MCTP2: variants seen among roughly 807,000 people sequenced by gnomAD.
The protein encoded by MCTP2 is multiple C2 and transmembrane domain-containing protein 2.
In MCTP2, 132 loss-of-function variants were observed where a neutral mutation model predicts 111.6. That is an observed-to-expected ratio of 1.18 (90% CI 1.03 to 1.37). The LOEUF (loss-of-function observed/expected upper bound fraction) is 1.37. Ranked by LOEUF, MCTP2 falls within the 40% of genes most tolerant of loss-of-function variation. The probability of loss-of-function intolerance (pLI) is 0.00; values close to 1 mark genes in which losing one functional copy is unlikely to be tolerated. For missense variants in MCTP2, 1,183 were observed against 1,067.9 expected (o/e 1.11, Z -1.50); for synonymous variants, 395 against 387.7 (o/e 1.02, Z -0.22).
At chr15:94,392,213 A>G (rs1325552280) in intron 14 of MCTP2, among the ~76,000 whole-genome samples, 1 of 152,082 alleles carries the variant, frequency 6.6e-6, no homozygotes. Flanking sequence ...CCACTAAAAA[A>G]TACAAAAAAT....
At chr15:94,308,369 G>A (rs189047181) in intron 2 of MCTP2, among the ~76,000 whole-genome samples, 4 of 152,268 alleles carry the variant, frequency 2.6e-5, no homozygotes, top group Admixed American at 2.6e-4. Context: ...TTCTCCTGGC[G>A]CAGGTGTGGT....
At chr15:94,440,354 A>G (rs2083710794) in intron 18 of MCTP2, 56 bp downstream of exon 18, 1 of 1,602,256 alleles carries the variant, frequency 6.2e-7, no homozygotes, top group Admixed American at 1.7e-5. Flanking sequence ...GTTAACAACA[A>G]ACTACCACCA....
rs1023207300 is a variant in MCTP2 at position 94,480,233 on chromosome 15, T to A, written c.*1199T>A. The A allele has an allele frequency of 3.3e-5, 5 of 152,230 alleles. No homozygotes were observed. Among genetic ancestry groups the A allele is most frequent in the Non-Finnish European group, 7.3e-5 (5 of 68,030 alleles). 9.4% of individuals were successfully genotyped at this position (152,230 alleles called of 1,614,324 possible). A position where few individuals can be genotyped will look rare whatever the true frequency, so the allele number is the denominator to read the frequency against. ...TTTAAGTTTTAAAGACTGTATTTTGTTGACACATACTTTGTGCAGTTTTTA... is the reference window on the plus strand; with the variant it reads ...TTTAAGTTTTAAAGACTGTATTTTGATGACACATACTTTGTGCAGTTTTTA... On this transcript the variant is annotated 3_prime_UTR_variant, in exon 23 of 23. Coordinates refer to ENST00000357742, the MANE Select transcript of MCTP2 (RefSeq NM_001385001.1).
rs750064262 is a variant in MCTP2, at chr15:94,358,657, G to A, written c.1301+45G>A. 1.9e-6 allele frequency: 3 copies of A among 1,605,654 alleles called. No homozygotes were observed. In the South Asian group the frequency reaches 3.3e-5, roughly 18 times the overall value. ...CAGTGGCGGGAGCATGTTTCTGCAT[G>A]GGGCTGGTTCTGAGAGGTGATCTTT... On this transcript the variant is annotated intron_variant, in intron 10 of 22. Transcript: ENST00000357742.
intron 21 of MCTP2, among the ~76,000 whole-genome samples, chr15:94,474,646 G>A (rs2074201032): frequency 6.6e-6 from 1 of 152,080 alleles, no homozygotes; most frequent in Non-Finnish European, 1.5e-5. Context: ...ATCACCTGAG[G>A]TCAGGAGTTC....
chr15:94,459,583 C>T (rs1318191270), intron 20 of MCTP2, among the ~76,000 whole-genome samples: 3 of 152,062 alleles, frequency 2.0e-5, no homozygotes, highest in African/African-American at 7.2e-5. Context: ...AGATATGATG[C>T]CTATTTGCTT....
intron 1 of MCTP2, among the ~76,000 whole-genome samples, chr15:94,264,077 G>A (rs1403238041): frequency 2.0e-5 from 3 of 151,998 alleles, no homozygotes; most frequent in African/African-American, 2.4e-5. Context: ...CTTCTTCTTG[G>A]TCACAGTCCC....
At chr15:94,280,481 G>A (rs1425465736) in intron 1 of MCTP2, among the ~76,000 whole-genome samples, 1 of 148,734 alleles carries the variant, frequency 6.7e-6, no homozygotes, top group Non-Finnish European at 1.5e-5. Context: ...TGATTGTGTT[G>A]ATTTGGATCT....
rs2083865519 is a variant in MCTP2 at position 94,442,945 on chromosome 15, G to C, written c.2235G>C (p.Glu745Asp). 6.2e-7 allele frequency: 1 copy of C among 1,613,180 alleles called. No homozygotes were observed. Among genetic ancestry groups the C allele is most frequent in the Non-Finnish European group, 8.5e-7 (1 of 1,179,626 alleles). ...AGAGCACAGACATAGATGACGAGGA[G>C]GATGAAGATGACAAGGTGCGTATGT... ...SQESTDIDDE[E>D]DEDDKESEKK... Residue 745 changes from glutamate to aspartate, a missense_variant, in exon 19 of 23, where the codon GAG becomes GAC. Glu to Asp is a conservative substitution (Grantham distance 45). Coordinates refer to ENST00000357742, the MANE Select transcript of MCTP2 (RefSeq NM_001385001.1).
chr15:94,363,143 T>G (rs1450073864), intron 10 of MCTP2, among the ~76,000 whole-genome samples: 1 of 152,214 alleles, frequency 6.6e-6, no homozygotes, highest in African/African-American at 2.4e-5. Flanking sequence ...TTGTGAGTTT[T>G]GTTACGGCGC....
intron 20 of MCTP2, among the ~76,000 whole-genome samples, chr15:94,459,578 T>A (rs1217182080): frequency 6.6e-6 from 1 of 152,228 alleles, no homozygotes; most frequent in Non-Finnish European, 1.5e-5. Flanking sequence ...CTCACAGATA[T>A]GATGCCTATT....
At chr15:94,306,203 A>G (rs1337943339) in intron 2 of MCTP2, among the ~76,000 whole-genome samples, 1 of 152,238 alleles carries the variant, frequency 6.6e-6, no homozygotes, top group Non-Finnish European at 1.5e-5. Flanking sequence ...AGATAGGCAG[A>G]GAGTAATACA....
Position 94,385,422 on chromosome 15 carries a change from G to A in MCTP2, c.1686-1G>A. 1 of 1,599,844 alleles carries A rather than the reference G, an allele frequency of 6.3e-7. No homozygotes were observed. Among genetic ancestry groups the A allele is most frequent in the South Asian group, 1.1e-5 (1 of 90,746 alleles). On this transcript the variant is annotated splice_acceptor_variant, in intron 13 of 22. Transcript: ENST00000357742. LOFTEE classifies it high-confidence loss of function. ...TATAATACATGGTATTTTTGTTACAGTCCCATTAAAGATATCCATGATGTT... is the reference window on the plus strand; with the variant it reads ...TATAATACATGGTATTTTTGTTACAATCCCATTAAAGATATCCATGATGTT...
At chr15:94,326,822 C>CCCCG (rs2076902064) in intron 4 of MCTP2, among the ~76,000 whole-genome samples, 1 of 92,762 alleles carries the variant, frequency 1.1e-5, no homozygotes, top group African/African-American at 3.8e-5. Flanking sequence ...CGCCCCACCC[C>CCCCG]CCCCCAACCT....
At chr15:94,424,814 G>A (rs1000737) in intron 17 of MCTP2, among the ~76,000 whole-genome samples, 21,409 of 151,958 alleles carry the variant, frequency 0.14, 1,769 homozygotes, top group Non-Finnish European at 0.19. Flanking sequence ...ATACTTACAC[G>A]TTTCATATGG....
At chr15:94,359,724 T>A (rs1466526808) in intron 10 of MCTP2, among the ~76,000 whole-genome samples, 1 of 151,806 alleles carries the variant, frequency 6.6e-6, no homozygotes, top group Non-Finnish European at 1.5e-5. Context: ...CCCAAGGAAG[T>A]GAAATTTTTT....
chr15:94,425,749 C>T (rs1477410762), intron 17 of MCTP2, among the ~76,000 whole-genome samples: 1 of 151,934 alleles, frequency 6.6e-6, no homozygotes. Context: ...GTATTATGAC[C>T]AATTTTAAAC....
intron 2 of MCTP2, among the ~76,000 whole-genome samples, chr15:94,299,651 A>C (rs553392260): frequency 6.6e-6 from 1 of 152,356 alleles, no homozygotes; most frequent in South Asian, 2.1e-4. Flanking sequence ...TTGTCTTTAA[A>C]AAGTCTTTCG....
chr15:94,459,912 A>G (rs1322388328), intron 20 of MCTP2, among the ~76,000 whole-genome samples: 2 of 152,236 alleles, frequency 1.3e-5, no homozygotes, highest in African/African-American at 2.4e-5. Context: ...ATAGGATTAC[A>G]TCATTCAAAC....
Sources: allele counts gnomAD v4.1 joint callset (sites outside exome capture counted in the v4.1 genomes callset), GRCh38; gene constraint gnomAD v4.1.1; transcripts MANE v1.5; gene names NCBI Gene and HGNC (gene_info 2026-07-23, HGNC 2026-07-21).